Variants in PHACTR3 observed in about 807,000 individuals in gnomAD.
PHACTR3 encodes the protein protein phosphatase 1, regulatory subunit 123.
In PHACTR3, 16 loss-of-function variants were observed where a neutral mutation model predicts 66.8. The ratio of observed to expected loss-of-function variants is 0.24; its 90% CI spans 0.16 to 0.36. The LOEUF is 0.36. PHACTR3 is among the 10% of genes least tolerant of loss of function. The probability of loss-of-function intolerance (pLI) is 1.00; values close to 1 mark genes in which losing one functional copy is unlikely to be tolerated. For synonymous variants in PHACTR3, 323 were observed against 292.1 expected, an observed-to-expected ratio of 1.11 and a Z score of -1.08; for missense variants, 647 against 719.9, an observed-to-expected ratio of 0.90 and a Z score of 1.16.
chr20:59,620,692 A>AG (rs1233683891), intron 1 of PHACTR3, among the ~76,000 whole-genome samples: 2 of 152,194 alleles, frequency 1.3e-5, no homozygotes, highest in Non-Finnish European at 2.9e-5. Flanking sequence ...TCTGCTCTAA[A>AG]GTTAACACTT....
At chr20:59,688,814 G>C (rs771470403) in intron 1 of PHACTR3, among the ~76,000 whole-genome samples, 6 of 152,086 alleles carry the variant, frequency 3.9e-5, no homozygotes, top group African/African-American at 7.2e-5. Context: ...TGTGAGATTG[G>C]GGCCACTCCA....
chr20:59,701,858 C>T (rs1033049149), intron 1 of PHACTR3, among the ~76,000 whole-genome samples: 4 of 152,234 alleles, frequency 2.6e-5, no homozygotes, highest in East Asian at 1.9e-4. Flanking sequence ...ACCCCCCAAT[C>T]CCCTGTCCTC....
chr20:59,719,868 T>C (rs6100567), intron 1 of PHACTR3, among the ~76,000 whole-genome samples: 6,942 of 152,282 alleles, frequency 0.046, 513 homozygotes, highest in African/African-American at 0.16. Flanking sequence ...CCTAAGGTCA[T>C]AGGCCAGGAA....
At chr20:59,659,964 G>T (rs2035755712) in intron 1 of PHACTR3, among the ~76,000 whole-genome samples, 1 of 152,152 alleles carries the variant, frequency 6.6e-6, no homozygotes, top group South Asian at 2.1e-4. Flanking sequence ...CCTGCCCTCA[G>T]TAAAGACTTG....
chr20:59,617,603 G>A (rs1015381495), intron 1 of PHACTR3, among the ~76,000 whole-genome samples: 2 of 151,828 alleles, frequency 1.3e-5, no homozygotes, highest in African/African-American at 4.8e-5. Flanking sequence ...GAAATCTTTA[G>A]CAAGGAGGAG....
Position 59,647,776 on chromosome 20 carries a change from C to A in PHACTR3, c.118+42644C>A, listed in dbSNP as rs537759973. Among the ~76,000 whole-genome samples the A allele has an allele frequency of 3.3e-5, 5 of 152,286 alleles. No homozygotes were observed. In the East Asian group the frequency reaches 9.6e-4, roughly 29 times the overall value. On this transcript the variant is annotated intron_variant, in intron 1 of 12. Coordinates refer to ENST00000371015, the MANE Select transcript of PHACTR3 (RefSeq NM_080672.5). ...TGGTTGCCTAAATCAGAATTAAGCT[C>A]CCTGGATTCAGGTCCCAGTCCCACC...
chr20:59,602,083 A>T (rs2033493164), upstream of PHACTR3, among the ~76,000 whole-genome samples: 2 of 152,162 alleles, frequency 1.3e-5, no homozygotes, highest in Admixed American at 1.3e-4. Context: ...CCTTATGGTA[A>T]CATTAAGGAG....
At chr20:59,716,654 C>T (rs940521990) in intron 1 of PHACTR3, among the ~76,000 whole-genome samples, 1 of 152,184 alleles carries the variant, frequency 6.6e-6, no homozygotes, top group Admixed American at 6.5e-5. Flanking sequence ...AAGCTCAGAG[C>T]CCCCATGCTC....
intron 1 of PHACTR3, among the ~76,000 whole-genome samples, chr20:59,659,067 C>T (rs1401611960): frequency 6.6e-6 from 1 of 151,346 alleles, no homozygotes; most frequent in Non-Finnish European, 1.5e-5. Context: ...TTGCAGTTTC[C>T]ATGTGGTTCA....
intron 1 of PHACTR3, among the ~76,000 whole-genome samples, chr20:59,703,045 C>A (rs1461908890): frequency 6.6e-6 from 1 of 152,198 alleles, no homozygotes; most frequent in Non-Finnish European, 1.5e-5. Context: ...TCCTCTTCAT[C>A]TATTCTAGCC....
chr20:59,778,354 G>A (rs560914212), intron 7 of PHACTR3, among the ~76,000 whole-genome samples: 4 of 152,108 alleles, frequency 2.6e-5, no homozygotes, highest in Admixed American at 6.5e-5. Flanking sequence ...TCCCTCTCCC[G>A]GCTCGCCTCT....
intron 9 of PHACTR3, among the ~76,000 whole-genome samples, chr20:59,838,291 A>G (rs138383732): frequency 2.9e-4 from 44 of 152,300 alleles, no homozygotes; most frequent in African/African-American, 9.9e-4. Context: ...TCATACTCAT[A>G]GGCTCTAGAT....
At chr20:59,649,335 T>A (rs2146445850) in intron 1 of PHACTR3, among the ~76,000 whole-genome samples, 1 of 152,378 alleles carries the variant, frequency 6.6e-6, no homozygotes, top group South Asian at 2.1e-4. Context: ...AAAAGATTTC[T>A]TTAAAGCATG....
intron 7 of PHACTR3, among the ~76,000 whole-genome samples, chr20:59,780,611 G>C (rs967014426): frequency 1.3e-5 from 2 of 152,104 alleles, no homozygotes; most frequent in African/African-American, 2.4e-5. Flanking sequence ...TTGGGGTTAG[G>C]CTTCAACATA....
chr20:59,721,919 G>A (rs921126771), intron 1 of PHACTR3, among the ~76,000 whole-genome samples: 6 of 151,234 alleles, frequency 4.0e-5, no homozygotes, highest in Admixed American at 3.3e-4. Flanking sequence ...GTCAAAGAGT[G>A]ACAAGTGGCC....
chr20:59,830,366 C>T lies in PHACTR3; in HGVS notation c.1329-6139C>T, dbSNP rs756666196. ...TGGAGGAGGGTGTGTCTGATGGAGACGGTGTGAATGTCTGATGGAGAGAGC... is the reference window on the plus strand; with the variant it reads ...TGGAGGAGGGTGTGTCTGATGGAGATGGTGTGAATGTCTGATGGAGAGAGC... On this transcript the variant is annotated intron_variant, in intron 8 of 12. Transcript: ENST00000371015. The surrounding 1 kb of genome is among the most constrained non-coding windows in gnomAD (Gnocchi z 5.8). Among the ~76,000 whole-genome samples, 26 of 150,638 alleles carry T rather than the reference C, an allele frequency of 1.7e-4. No individual in the cohort carries two copies. The highest frequency in any genetic ancestry group is 5.9e-4 in the East Asian group (3 of 5,110).
chr20:59,646,833 T>A (rs2035296048), intron 1 of PHACTR3, among the ~76,000 whole-genome samples: 1 of 152,202 alleles, frequency 6.6e-6, no homozygotes, highest in South Asian at 2.1e-4. Flanking sequence ...GGCAGAAGAC[T>A]GTGTGAGTGT....
intron 4 of PHACTR3, among the ~76,000 whole-genome samples, chr20:59,759,614 T>TA (rs1185451869): frequency 1.3e-5 from 2 of 150,492 alleles, no homozygotes. Context: ...TAGAAGGAGT[T>TA]AAAGCTTGAG....
chr20:59,742,133 C>T lies in PHACTR3; in HGVS notation c.119-974C>T, dbSNP rs745924841. On this transcript the variant is annotated intron_variant, in intron 1 of 12. Transcript: ENST00000371015. The stretch of plus-strand genomic sequence containing the variant: ...CACACCAGTGTGTGCCTGTATACCA[C>T]CCCTGTTCGCACACTGGTGGCGTGT... 5.4e-4 allele frequency among the ~76,000 whole-genome samples: 82 copies of T among 152,256 alleles called. 1 individual carries two copies. The highest frequency in any genetic ancestry group is 1.1e-3 in the Admixed American group (17 of 15,288).
Sources: allele counts gnomAD v4.1 joint callset (sites outside exome capture counted in the v4.1 genomes callset), GRCh38; gene constraint gnomAD v4.1.1; non-coding constraint Gnocchi (gnomAD v3.1); transcripts MANE v1.5; gene names NCBI Gene and HGNC (gene_info 2026-07-23, HGNC 2026-07-21).